Variants in SACM1L observed in about 807,000 individuals in gnomAD.
SACM1L encodes the protein phosphatidylinositol-3-phosphatase SAC1.
In SACM1L, 32 loss-of-function variants were observed where a neutral mutation model predicts 89.5. The observed-to-expected ratio is 0.36, with a 90% CI of 0.27 to 0.48. The LOEUF is 0.48. Ranked by LOEUF, SACM1L falls within the 20% of genes least tolerant of loss-of-function variation. SACM1L has a pLI of 0.99. For synonymous variants in SACM1L, 213 were observed against 232.8 expected (o/e 0.92, Z 0.77); for missense variants, 543 against 708.5 (o/e 0.77, Z 2.65).
In SACM1L at chr3:45,709,607, A is replaced by T. The variant is rs747393463; in HGVS notation, c.443A>T (p.Asn148Ile). ...ACCCATACTTTGCAGCGGCTATCCA[A>T]CACTAGTCCTGAATTCCAAGAAATG... is the stretch of plus-strand genomic sequence containing the variant. ...DLTHTLQRLSNTSPEFQEMSL... is the reference protein window; with the variant it reads ...DLTHTLQRLSITSPEFQEMSL... Residue 148 changes from asparagine to isoleucine, a missense_variant, in exon 5 of 20, where the codon AAC (asparagine) becomes ATC (isoleucine). By Grantham distance (149) the Asn-to-Ile change is moderately radical (BLOSUM62 -3). Coordinates refer to ENST00000389061, the MANE Select transcript of SACM1L (RefSeq NM_014016.5). 1 of 1,613,648 alleles carries T rather than the reference A, an allele frequency of 6.2e-7. No homozygotes were observed. Among genetic ancestry groups the T allele is most frequent in the Non-Finnish European group, 8.5e-7 (1 of 1,179,880 alleles).
chr3:45,737,924 CA>C (rs1699238494), intron 16 of SACM1L, 80 bp downstream of exon 16: 1 of 1,087,556 alleles, frequency 9.2e-7, no homozygotes, highest in Non-Finnish European at 1.4e-6. Flanking sequence ...GGGCAGCTTT[CA>C]GACAGCAGCA....
At position 45,714,005 on chromosome 3, in the gene SACM1L, T is replaced by C. The variant is rs762058385; in HGVS notation, c.544-41T>C. ...ATATTTTTATATAATGCTTATTTAT[T>C]TTTAAAGTATATTTATTCTAAATAT... On this transcript the variant is annotated intron_variant, in intron 6 of 19. Transcript: ENST00000389061. The C allele has an allele frequency of 1.1e-5, 12 of 1,111,282 alleles. No homozygotes were observed. The South Asian group carries it at 2.1e-4, about 19-fold the overall frequency. 68.8% of individuals were successfully genotyped at this position (1,111,282 alleles called of 1,614,324 possible). A position where few individuals can be genotyped will look rare whatever the true frequency, so the allele number is the denominator to read the frequency against.
intron 11 of SACM1L, among the ~76,000 whole-genome samples, chr3:45,724,298 G>GGTGTGTGTGTGTGTGTGTGTGTGTGT (rs61075879): frequency 7.2e-6 from 1 of 139,716 alleles, no homozygotes; most frequent in African/African-American, 2.7e-5. Context: ...GTTGTTTTCT[G>GGTGTGTGTGTGTGTGTGTGTGTGTGT]GTGTGTGTGT....
intron 1 of SACM1L, among the ~76,000 whole-genome samples, chr3:45,694,473 A>G (rs1395907233): frequency 6.6e-6 from 1 of 152,188 alleles, no homozygotes; most frequent in Non-Finnish European, 1.5e-5. Context: ...AGGGCAGCTC[A>G]GATTATTCTC....
chr3:45,722,535 G>C (rs1174755626), intron 9 of SACM1L, among the ~76,000 whole-genome samples: 1 of 152,134 alleles, frequency 6.6e-6, no homozygotes, highest in Non-Finnish European at 1.5e-5. Context: ...ATTTGAAAAT[G>C]AATAAAGCAA....
chr3:45,693,619 G>A (rs564894241), intron 1 of SACM1L, among the ~76,000 whole-genome samples: 2 of 152,294 alleles, frequency 1.3e-5, no homozygotes, highest in East Asian at 1.9e-4. Flanking sequence ...CTTGGAATAC[G>A]GCTGGTCCAG....
chr3:45,739,599 A>G lies in SACM1L; in HGVS notation c.1582A>G (p.Met528Val). ...TTGTCTTTTCCAGTTGCCTATTATCATGGTTGTTGCCTTTTCAATGTGCAT... is the reference window on the plus strand; with the variant it reads ...TTGTCTTTTCCAGTTGCCTATTATCGTGGTTGTTGCCTTTTCAATGTGCAT... The part of the protein sequence containing the change: ...DWKFLALPII[M>V]VVAFSMCIIC... Residue 528 changes from methionine (M) to valine (V), a missense_variant, in exon 19 of 20, where the codon ATG (methionine) becomes GTG (valine). Transcript: ENST00000389061. The G allele has an allele frequency of 6.2e-7, 1 of 1,614,072 alleles. No homozygotes were observed. Among genetic ancestry groups the G allele is most frequent in the Non-Finnish European group, 8.5e-7 (1 of 1,179,978 alleles).
chr3:45,698,698 C>CT (rs1328694447), intron 1 of SACM1L, among the ~76,000 whole-genome samples: 1 of 151,980 alleles, frequency 6.6e-6, no homozygotes, highest in Non-Finnish European at 1.5e-5. Context: ...TTACAGGCGC[C>CT]TGCCACCATG....
chr3:45,701,694 A>G (rs1698275061), intron 1 of SACM1L, among the ~76,000 whole-genome samples: 1 of 152,222 alleles, frequency 6.6e-6, no homozygotes, highest in Non-Finnish European at 1.5e-5. Context: ...TTTTACACCC[A>G]TGAAACCATT....
At chr3:45,699,055 G>A (rs2125682897) in intron 1 of SACM1L, among the ~76,000 whole-genome samples, 1 of 152,288 alleles carries the variant, frequency 6.6e-6, no homozygotes, top group East Asian at 1.9e-4. Context: ...TTTTGCATGA[G>A]CCTCTGCGCC....
At chr3:45,703,356 C>T in intron 1 of SACM1L, 82 bp from the exon 2 acceptor site, 5 of 920,752 alleles carry the variant, frequency 5.4e-6, no homozygotes, top group Non-Finnish European at 8.7e-6. Flanking sequence ...CAAATTTATA[C>T]TCTGTAATTG....
At position 45,713,154 on chromosome 3, in the gene SACM1L, A is replaced by G. The variant is rs2125691958; in HGVS notation, c.501A>G (p.Val167=). The G allele has an allele frequency of 1.2e-6, 2 of 1,612,786 alleles. No homozygotes were observed. The highest frequency in any genetic ancestry group is 1.3e-5 in the African/African-American group (1 of 75,008). ...SLLERADQRF[V]WNGHLLRELS... ...TCTCTCAGGCAGATCAGCGGTTTGT[A>G]TGGAATGGTCATCTTCTAAGAGAAC... Residue 167 remains valine, a synonymous_variant, in exon 6 of 20, where the codon GTA becomes GTG. Transcript: ENST00000389061.
chr3:45,704,673 A>C (rs557610576), intron 2 of SACM1L, among the ~76,000 whole-genome samples: 111 of 152,260 alleles, frequency 7.3e-4, no homozygotes, highest in African/African-American at 2.5e-3. Flanking sequence ...TTTTATTTGT[A>C]GGTAGAGATT....
intron 14 of SACM1L, 124 bp from the exon 15 acceptor site, chr3:45,737,459 A>T: frequency 1.0e-6 from 1 of 953,774 alleles, no homozygotes. Context: ...TAGACAACAG[A>T]CATTTCTGGC....
chr3:45,700,013 ATAAT>A lies in SACM1L; in HGVS notation c.33-3423_33-3420del, dbSNP rs999261048. Among the ~76,000 whole-genome samples the A allele has an allele frequency of 2.2e-4, 34 of 152,316 alleles. 1 individual carries two copies. The highest frequency in any genetic ancestry group is 2.0e-3 in the Admixed American group (31 of 15,284). ...TTTCAGTTCATTGATTTTTGTCCAA[ATAAT>A]TTTCATTTTAAAGGTCTTACAGGTG... On this transcript the variant is annotated intron_variant, in intron 1 of 19. Coordinates refer to ENST00000389061, the MANE Select transcript of SACM1L (RefSeq NM_014016.5).
chr3:45,739,235 T>TCTTG (rs1699265932), intron 18 of SACM1L, among the ~76,000 whole-genome samples: 1 of 152,188 alleles, frequency 6.6e-6, no homozygotes, highest in Admixed American at 6.5e-5. Context: ...ACTCCTCTGT[T>TCTTG]CACCAGACCC....
chr3:45,689,558 G>T (rs1697916597), intron 1 of SACM1L, 61 bp downstream of exon 1: 1 of 1,524,116 alleles, frequency 6.6e-7, no homozygotes. Flanking sequence ...GCGGGCCCTG[G>T]CCTCGGGGAG....
chr3:45,720,729 A>T (rs1698770650), intron 8 of SACM1L, among the ~76,000 whole-genome samples: 1 of 152,228 alleles, frequency 6.6e-6, no homozygotes, highest in Non-Finnish European at 1.5e-5. Flanking sequence ...AAGCAAGGAT[A>T]GCCTGTGCCT....
intron 11 of SACM1L, among the ~76,000 whole-genome samples, chr3:45,730,441 C>G (rs1305120177): frequency 6.6e-6 from 1 of 150,748 alleles, no homozygotes. Context: ...TGCTTCTATT[C>G]AGCTGTTTTG....
Sources: allele counts gnomAD v4.1 joint callset (sites outside exome capture counted in the v4.1 genomes callset), GRCh38; gene constraint gnomAD v4.1.1; transcripts MANE v1.5; gene names NCBI Gene and HGNC (gene_info 2026-07-23, HGNC 2026-07-21).